The following FAM133A variants were observed in gnomAD, a reference collection of about 807,000 sequenced individuals.
The protein encoded by FAM133A is family with sequence similarity 133 member A, also known as protein FAM133A.
For missense variants in FAM133A, 159 were observed against 164.4 expected (o/e 0.97, Z 0.18); for synonymous variants, 65 against 58.6 (o/e 1.11, Z -0.50).
intron 2 of FAM133A, among the ~76,000 whole-genome samples, chrX:93,675,471 T>C (rs1924622332): frequency 9.0e-6 from 1 of 111,510 alleles, no homozygotes; most frequent in South Asian, 3.7e-4. Context: ...ATTCCTGTTA[T>C]AGGGTGGCCA....
chrX:93,679,276 T>C (rs1270834948), intron 2 of FAM133A, among the ~76,000 whole-genome samples: 3 of 111,824 alleles, frequency 2.7e-5, no homozygotes, highest in East Asian at 5.6e-4. Context: ...CTATTATTAA[T>C]AGTAATAAAT....
intron 2 of FAM133A, among the ~76,000 whole-genome samples, chrX:93,678,696 C>T (rs1411556740): frequency 8.9e-6 from 1 of 111,802 alleles, no homozygotes; most frequent in Non-Finnish European, 1.9e-5. Context: ...TGCAGTTGTT[C>T]CAGCACTATT....
At position 93,697,290 on chromosome X, in the gene FAM133A, G is replaced by A. The variant is rs920863511; in HGVS notation, c.-192-1107G>A. ...GTATTATTTGAGAAACACTTTTTCA[G>A]AGAGAAGTTTCTCCAACTTTTTAAT... On this transcript the variant is annotated intron_variant, in intron 2 of 3. Transcript: ENST00000683942. 7.4e-5 allele frequency among the ~76,000 whole-genome samples: 8 copies of A among 108,158 alleles called. 1 individual carries two copies. Among genetic ancestry groups the A allele is most frequent in the African/African-American group, 2.7e-4 (8 of 29,704 alleles). The allele number at this position is 108,158 out of a possible 115,157, so 93.9% of individuals were successfully genotyped here.
At chrX:93,677,432 A>G (rs1421814736) in intron 2 of FAM133A, among the ~76,000 whole-genome samples, 2 of 111,620 alleles carry the variant, frequency 1.8e-5, no homozygotes, top group Non-Finnish European at 3.8e-5. Flanking sequence ...TTCTTGGACA[A>G]GTTGTATCTG....
Position 93,710,546 on chromosome X carries a change from G to A in FAM133A, c.*380G>A. 7.1e-6 allele frequency: 1 copy of A among 140,868 alleles called. No individual in the cohort carries two copies. The allele number at this position is 140,868 out of a possible 1,213,427, so 11.6% of individuals were successfully genotyped here. Reference sequence around the variant, plus strand: ...TTGTAGTTGGTATTTTTGATGCAAGGACTTAATATTGATGTCTCAAATTCC... The same window carrying A: ...TTGTAGTTGGTATTTTTGATGCAAGAACTTAATATTGATGTCTCAAATTCC... On this transcript the variant is annotated 3_prime_UTR_variant, in exon 4 of 4. Transcript: ENST00000683942.
chrX:93,676,025 G>T (rs1363632973), intron 2 of FAM133A, among the ~76,000 whole-genome samples: 4 of 110,946 alleles, frequency 3.6e-5, no homozygotes, highest in African/African-American at 1.3e-4. Flanking sequence ...TAGGGATCCA[G>T]ATTTTTAAAA....
At chrX:93,697,181 A>ATATAT (rs1556031160) in intron 2 of FAM133A, among the ~76,000 whole-genome samples, 5 of 76,034 alleles carry the variant, frequency 6.6e-5, no homozygotes, top group African/African-American at 2.0e-4. Context: ...ATATATATAT[A>ATATAT]TATATATATA....
rs753315504 is a variant in FAM133A at position 93,707,877 on chromosome X, C to G, written c.-103-1440C>G. On this transcript the variant is annotated intron_variant, in intron 3 of 3. Coordinates refer to ENST00000683942, the MANE Select transcript of FAM133A (RefSeq NM_001171109.2). The stretch of plus-strand genomic sequence containing the variant: ...ATTCTATGTCAGGTAATGGGAACAC[C>G]GTGGTGAATAAGATAGGCCACACAT... Among the ~76,000 whole-genome samples, 3 of 111,623 alleles carry G rather than the reference C, an allele frequency of 2.7e-5. No homozygotes were observed. The Admixed American group carries it at 2.9e-4, about 11-fold the overall frequency.
At chrX:93,676,451 A>AT (rs199837789) in intron 2 of FAM133A, among the ~76,000 whole-genome samples, 1,398 of 110,899 alleles carry the variant, frequency 0.013, 8 homozygotes, top group Non-Finnish European at 0.02. Context: ...GTCTATTCAT[A>AT]TTTTTTTGCC....
Position 93,710,261 on chromosome X carries a change from C to T in FAM133A, c.*95C>T. 1 of 982,548 alleles carries T rather than the reference C, an allele frequency of 1.0e-6. No individual in the cohort carries two copies. The allele number at this position is 982,548 out of a possible 1,213,427, so 81.0% of individuals were successfully genotyped here. A position where few individuals can be genotyped will look rare whatever the true frequency, so the allele number is the denominator to read the frequency against. On this transcript the variant is annotated 3_prime_UTR_variant, in exon 4 of 4. Coordinates refer to ENST00000683942, the MANE Select transcript of FAM133A (RefSeq NM_001171109.2). ...AGTTGCCTATCAAATCCCACTGTGC[C>T]AGTAAGGGGCATAGTGGCTGCTGGC...
intron 2 of FAM133A, among the ~76,000 whole-genome samples, chrX:93,675,228 G>A (rs1033681067): frequency 3.6e-5 from 4 of 111,623 alleles, no homozygotes; most frequent in African/African-American, 6.5e-5. Flanking sequence ...ACCACCAAAT[G>A]ATAAGAATTA....
chrX:93,709,030 A>G (rs1440355780), intron 3 of FAM133A, among the ~76,000 whole-genome samples: 1 of 111,881 alleles, frequency 8.9e-6, no homozygotes, highest in African/African-American at 3.2e-5. Flanking sequence ...AAGAAAGGAA[A>G]AAGTTAAGTA....
intron 2 of FAM133A, among the ~76,000 whole-genome samples, chrX:93,681,443 T>C (rs1435474077): frequency 9.0e-6 from 1 of 111,260 alleles, no homozygotes; most frequent in African/African-American, 3.3e-5. Context: ...GTACCTCCTC[T>C]CAGAAAAAAA....
intron 2 of FAM133A, among the ~76,000 whole-genome samples, chrX:93,690,090 A>G (rs1295917723): frequency 9.0e-6 from 1 of 110,819 alleles, no homozygotes; most frequent in African/African-American, 3.3e-5. Context: ...ACTTGGGTGT[A>G]AAGAGTGTTA....
At chrX:93,675,574 G>C (rs916425025) in intron 2 of FAM133A, among the ~76,000 whole-genome samples, 1 of 111,307 alleles carries the variant, frequency 9.0e-6, no homozygotes, top group African/African-American at 3.3e-5. Context: ...CTATGCACTT[G>C]TGAAAATTGG....
In FAM133A at chrX:93,711,408, AC is replaced by A. The variant is rs1273021744; in HGVS notation, c.*1243del. On this transcript the variant is annotated 3_prime_UTR_variant, in exon 4 of 4. Transcript: ENST00000683942. ...GATCTTCCTGTGTCCGTATTTTCCT[AC>A]AATTTGGTGCCTTGTATCTGTTGCT... The A allele has an allele frequency of 8.1e-6, 1 of 122,831 alleles. No homozygotes were observed. Among genetic ancestry groups the A allele is most frequent in the Non-Finnish European group, 1.9e-5 (1 of 53,142 alleles). The allele number at this position is 122,831 out of a possible 1,213,427, so 10.1% of individuals were successfully genotyped here. A position where few individuals can be genotyped will look rare whatever the true frequency, so the allele number is the denominator to read the frequency against.
At chrX:93,708,951 C>T (rs1027058565) in intron 3 of FAM133A, among the ~76,000 whole-genome samples, 8 of 111,005 alleles carry the variant, frequency 7.2e-5, no homozygotes, top group Non-Finnish European at 9.4e-5. Context: ...CTTGAGTTGG[C>T]GAAGGTCTGT....
Position 93,710,000 on chromosome X carries a change from C to A in FAM133A, c.581C>A (p.Ser194Tyr). 5 of 1,201,975 alleles carry A rather than the reference C, an allele frequency of 4.2e-6. No homozygotes were observed. The highest frequency in any genetic ancestry group is 5.6e-6 in the Non-Finnish European group (5 of 891,899). The stretch of plus-strand genomic sequence containing the variant: ...GATGATAAACCTTTATCATCTGAGT[C>A]CTCATCTGAATCAGATTATGAAGAG... ...YPDDKPLSSE[S>Y]SSESDYEEDV... The change falls in exon 4 of 4, where the codon TCC becomes TAC. Residue 194 changes from serine (S) to tyrosine (Y), a missense_variant. Transcript: ENST00000683942.
chrX:93,676,208 G>A (rs1042135798), intron 2 of FAM133A, among the ~76,000 whole-genome samples: 16 of 110,171 alleles, frequency 1.5e-4, no homozygotes, highest in African/African-American at 3.9e-4. Flanking sequence ...CTAATGAGTC[G>A]GTTTTAAGAT....
Sources: allele counts gnomAD v4.1 joint callset (sites outside exome capture counted in the v4.1 genomes callset), GRCh38; gene constraint gnomAD v4.1.1; transcripts MANE v1.5; gene names NCBI Gene and HGNC (gene_info 2026-07-23, HGNC 2026-07-21).